Variants in PRR16 observed in about 807,000 individuals in gnomAD.
PRR16 encodes the protein protein Largen.
A neutral mutation model predicts 18.2 loss-of-function variants in PRR16; 6 were observed. The ratio of observed to expected loss-of-function variants is 0.33; its 90% CI spans 0.18 to 0.65. The LOEUF is 0.65. PRR16 is among the 30% of genes least tolerant of loss of function. The pLI is 0.74. For synonymous variants in PRR16, 151 were observed against 147.8 expected (o/e 1.02, Z -0.16); for missense variants, 412 against 376.6 (o/e 1.09, Z -0.78).
chr5:120,469,471 C>T (rs189873989), intron 1 of PRR16, among the ~76,000 whole-genome samples: 21 of 151,796 alleles, frequency 1.4e-4, no homozygotes, highest in Admixed American at 4.6e-4. Flanking sequence ...TAGAGGCATG[C>T]GCCGCCATGC....
chr5:120,607,704 G>GA (rs573636565), intron 1 of PRR16, among the ~76,000 whole-genome samples: 35 of 150,984 alleles, frequency 2.3e-4, no homozygotes, highest in Non-Finnish European at 4.3e-4. Flanking sequence ...TTACTAACTT[G>GA]AAAAAAAAAT....
At chr5:120,688,335 G>C (rs1229798678), downstream of PRR16, among the ~76,000 whole-genome samples, 1 of 152,090 alleles carries the variant, frequency 6.6e-6, no homozygotes, top group African/African-American at 2.4e-5. Context: ...ATAGGTGTTG[G>C]ACATGAAGAT....
intron 1 of PRR16, among the ~76,000 whole-genome samples, chr5:120,519,878 A>G (rs972180948): frequency 9.9e-5 from 15 of 151,998 alleles, no homozygotes; most frequent in African/African-American, 3.6e-4. Context: ...TTTTTTTCTC[A>G]TTTTTAAAAA....
At chr5:120,501,186 A>G (rs1161050559) in intron 1 of PRR16, among the ~76,000 whole-genome samples, 6 of 152,196 alleles carry the variant, frequency 3.9e-5, no homozygotes, top group Non-Finnish European at 8.8e-5. Context: ...GCATTAATTT[A>G]ATGACAAAAT....
At chr5:120,767,253 C>T in the PRR16 span, among the ~76,000 whole-genome samples, 1 of 152,070 alleles carries the variant, frequency 6.6e-6, no homozygotes, top group South Asian at 2.1e-4. Context: ...CAAAACATCT[C>T]AGTCCAGATT....
intron 1 of PRR16, among the ~76,000 whole-genome samples, chr5:120,602,798 C>T (rs985527213): frequency 6.6e-6 from 1 of 151,920 alleles, no homozygotes; most frequent in African/African-American, 2.4e-5. Context: ...TTATCAATGC[C>T]ATATCTGAGT....
chr5:120,646,217 AC>A (rs1036310355), intron 1 of PRR16, among the ~76,000 whole-genome samples: 16 of 151,436 alleles, frequency 1.1e-4, no homozygotes, highest in Non-Finnish European at 1.8e-4. Context: ...ATTTTCAGTC[AC>A]CTTATTTATA....
chr5:120,666,251 T>C (rs1006746942), intron 1 of PRR16, among the ~76,000 whole-genome samples: 1 of 152,226 alleles, frequency 6.6e-6, no homozygotes, highest in Admixed American at 6.5e-5. Context: ...ATGATTTGGC[T>C]CTCTGTTTGC....
At chr5:120,659,452 T>C (rs1270749501) in intron 1 of PRR16, among the ~76,000 whole-genome samples, 1 of 152,020 alleles carries the variant, frequency 6.6e-6, no homozygotes, top group African/African-American at 2.4e-5. Context: ...TTCATTGATA[T>C]ATAATACTTG....
intron 1 of PRR16, among the ~76,000 whole-genome samples, chr5:120,617,642 A>G (rs750490548): frequency 4.6e-5 from 7 of 152,152 alleles, no homozygotes; most frequent in Non-Finnish European, 8.8e-5. Flanking sequence ...TTATCTTTAT[A>G]TATGTCAATT....
chr5:120,574,809 T>C (rs1753021377), intron 1 of PRR16, among the ~76,000 whole-genome samples: 1 of 149,028 alleles, frequency 6.7e-6, no homozygotes, highest in Non-Finnish European at 1.5e-5. Flanking sequence ...AAAATGTAAA[T>C]TGACACAACT....
chr5:120,709,282 C>T, the PRR16 span, among the ~76,000 whole-genome samples: 61 of 152,112 alleles, frequency 4.0e-4, no homozygotes, highest in East Asian at 0.011. Flanking sequence ...ACTAGGATTA[C>T]AGGTGTGAGC....
chr5:120,583,352 A>C (rs9765600), intron 1 of PRR16, among the ~76,000 whole-genome samples: 73,593 of 150,700 alleles, frequency 0.49, 18,302 homozygotes, highest in Middle Eastern at 0.59. Flanking sequence ...TGTGTGTGCA[A>C]GTAATCCATG....
intron 1 of PRR16, among the ~76,000 whole-genome samples, chr5:120,528,587 T>C (rs1220662717): frequency 1.3e-5 from 2 of 152,076 alleles, no homozygotes; most frequent in African/African-American, 4.8e-5. Flanking sequence ...GCATCCAAGT[T>C]TCCAGATGTG....
chr5:120,564,934 C>T (rs1752689254), intron 1 of PRR16, among the ~76,000 whole-genome samples: 2 of 149,404 alleles, frequency 1.3e-5, no homozygotes, highest in South Asian at 2.1e-4. Context: ...TGCAGTTAGC[C>T]GAGATCGCGC....
At chr5:120,757,919 A>C in the PRR16 span, among the ~76,000 whole-genome samples, 1 of 152,112 alleles carries the variant, frequency 6.6e-6, no homozygotes, top group Admixed American at 6.6e-5. Flanking sequence ...AATGCATTGG[A>C]GTAAAAAATT....
chr5:120,651,619 G>T (rs1755792682), intron 1 of PRR16, among the ~76,000 whole-genome samples: 1 of 152,120 alleles, frequency 6.6e-6, no homozygotes, highest in Non-Finnish European at 1.5e-5. Context: ...TGTCAGGTTT[G>T]TCAAAGATCA....
the PRR16 span, among the ~76,000 whole-genome samples, chr5:120,762,108 A>C: frequency 6.6e-6 from 1 of 152,000 alleles, no homozygotes; most frequent in Non-Finnish European, 1.5e-5. Context: ...CTTTTCATTC[A>C]TTCGTTGATG....
In PRR16 at chr5:120,609,137, A is replaced by C. The variant is rs180853823; in HGVS notation, c.160-76817A>C. Among the ~76,000 whole-genome samples the C allele has an allele frequency of 2.6e-3, 394 of 151,938 alleles. 2 individuals are homozygous for C. The highest frequency in any genetic ancestry group is 3.2e-3 in the Non-Finnish European group (218 of 67,936). On this transcript the variant is annotated intron_variant, in intron 1 of 1. Coordinates refer to ENST00000407149, the MANE Select transcript of PRR16 (RefSeq NM_001300783.2). ...TATACTCCCACATACCCTGCAGTTC[A>C]CTTATTTGTACAATTCAATTGTTTT...
Sources: allele counts gnomAD v4.1 joint callset (sites outside exome capture counted in the v4.1 genomes callset), GRCh38; gene constraint gnomAD v4.1.1; transcripts MANE v1.5; gene names NCBI Gene and HGNC (gene_info 2026-07-23, HGNC 2026-07-21).